Variants in NTRK2 observed in about 807,000 individuals in gnomAD.
NTRK2 encodes neurotrophic receptor tyrosine kinase 2.
NTRK2 carries 13 observed loss-of-function variants against 94.5 expected under a neutral mutation model. The observed-to-expected ratio is 0.14, with a 90% CI of 0.09 to 0.22. The LOEUF (loss-of-function observed/expected upper bound fraction) is 0.22, where lower values mean the gene tolerates loss of function less well. Among genes scored for constraint, NTRK2 ranks in the 10% least tolerant of loss-of-function variants. NTRK2 has a pLI of 1.00. For synonymous variants in NTRK2, 372 were observed against 407.4 expected, an observed-to-expected ratio of 0.91 and a Z score of 1.05; for missense variants, 639 against 1,071.2, an observed-to-expected ratio of 0.60 and a Z score of 5.63.
chr9:84,963,033 G>A (rs1422287002), intron 17 of NTRK2, among the ~76,000 whole-genome samples: 2 of 152,194 alleles, frequency 1.3e-5, no homozygotes, highest in Admixed American at 1.3e-4. Flanking sequence ...GCTGTGGATT[G>A]GCACTGGAGA....
intron 16 of NTRK2, among the ~76,000 whole-genome samples, chr9:84,948,857 C>T (rs374860469): frequency 5.9e-5 from 9 of 152,362 alleles, no homozygotes; most frequent in African/African-American, 2.2e-4. Context: ...AATGATCCAA[C>T]TCAATTCAGT....
At chr9:84,978,245 G>T (rs1016039697) in intron 17 of NTRK2, among the ~76,000 whole-genome samples, 1 of 152,190 alleles carries the variant, frequency 6.6e-6, no homozygotes, top group Non-Finnish European at 1.5e-5. Flanking sequence ...CTTGTGACAG[G>T]TTGCCAAGTT....
chr9:84,824,164 G>C (rs773004868), intron 12 of NTRK2, among the ~76,000 whole-genome samples: 1 of 152,180 alleles, frequency 6.6e-6, no homozygotes, highest in Non-Finnish European at 1.5e-5. Context: ...GCTGCAGGTT[G>C]CAACAGGCAA....
intron 17 of NTRK2, among the ~76,000 whole-genome samples, chr9:84,996,198 C>A (rs1357831617): frequency 1.3e-5 from 2 of 152,170 alleles, no homozygotes; most frequent in Admixed American, 6.5e-5. Flanking sequence ...CGGGAAAAAG[C>A]CTCTCTAAAG....
At position 84,959,420 on chromosome 9, in the gene NTRK2, T is replaced by C. The variant is rs1824602315; in HGVS notation, c.2172+3903T>C. 2.0e-5 allele frequency among the ~76,000 whole-genome samples: 3 copies of C among 152,170 alleles called. No individual in the cohort carries two copies. In the South Asian group the frequency reaches 6.2e-4, roughly 32 times the overall value. ...AAGCAAGAACCATTCCCACTAGAAG[T>C]CCAAGCCTTCCACTCATGGTGGCTT... On this transcript the variant is annotated intron_variant, in intron 17 of 18. Transcript: ENST00000277120.
At chr9:84,784,720 A>G (rs75283077) in intron 12 of NTRK2, among the ~76,000 whole-genome samples, 6,147 of 152,268 alleles carry the variant, frequency 0.04, 433 homozygotes, top group African/African-American at 0.14. Flanking sequence ...CCCTTTAGTG[A>G]CATCTCCTGA....
chr9:84,957,757 C>G (rs1429329431), intron 17 of NTRK2, among the ~76,000 whole-genome samples: 1 of 152,200 alleles, frequency 6.6e-6, no homozygotes. Flanking sequence ...CCCAAGAGAA[C>G]TGAAATAATA....
intron 10 of NTRK2, among the ~76,000 whole-genome samples, chr9:84,742,202 G>C (rs970806930): frequency 6.6e-6 from 1 of 152,096 alleles, no homozygotes; most frequent in Non-Finnish European, 1.5e-5. Flanking sequence ...TTCCTTAATT[G>C]GGAACTAATT....
chr9:84,847,092 A>G (rs2074508857), intron 12 of NTRK2, among the ~76,000 whole-genome samples: 2 of 152,230 alleles, frequency 1.3e-5, no homozygotes, highest in African/African-American at 2.4e-5. Flanking sequence ...AAATTGCTAA[A>G]ATAGGCTGTC....
chr9:84,686,229 G>A (rs943917564), intron 2 of NTRK2, among the ~76,000 whole-genome samples: 4 of 152,076 alleles, frequency 2.6e-5, no homozygotes, highest in African/African-American at 4.8e-5. Flanking sequence ...ATTAATTGTG[G>A]AAAGGAAAAA....
At chr9:84,767,350 A>G (rs1412683016) in intron 12 of NTRK2, among the ~76,000 whole-genome samples, 4 of 152,196 alleles carry the variant, frequency 2.6e-5, no homozygotes, top group African/African-American at 4.8e-5. Context: ...TGCTTTTTGC[A>G]TAGCATTCCT....
intron 12 of NTRK2, among the ~76,000 whole-genome samples, chr9:84,818,917 G>C (rs552838068): frequency 1.3e-5 from 2 of 152,190 alleles, no homozygotes; most frequent in African/African-American, 4.8e-5. Context: ...AGCAGCGTCG[G>C]AGCTGCTTGG....
intron 12 of NTRK2, among the ~76,000 whole-genome samples, chr9:84,781,816 A>G (rs999732898): frequency 3.9e-5 from 6 of 152,162 alleles, no homozygotes; most frequent in African/African-American, 1.4e-4. Context: ...GGAGGGTCAA[A>G]ACATTCAACA....
intron 12 of NTRK2, among the ~76,000 whole-genome samples, chr9:84,831,208 T>G (rs1210444260): frequency 6.6e-6 from 1 of 152,218 alleles, no homozygotes; most frequent in Non-Finnish European, 1.5e-5. Flanking sequence ...ATATAACATT[T>G]CTAAATTATG....
intron 14 of NTRK2, among the ~76,000 whole-genome samples, chr9:84,932,665 G>C (rs1313874639): frequency 1.3e-5 from 2 of 152,170 alleles, no homozygotes; most frequent in African/African-American, 4.8e-5. Flanking sequence ...TTAGGGCTCG[G>C]TCTTAACCTT....
At position 85,025,476 on chromosome 9, in the gene NTRK2, C is replaced by T. The variant is rs926181831; in HGVS notation, c.*4039C>T. 8.6e-6 allele frequency: 2 copies of T among 233,138 alleles called. No individual in the cohort carries two copies. Among genetic ancestry groups the T allele is most frequent in the Admixed American group, 5.6e-5 (1 of 17,788 alleles). 14.4% of individuals were successfully genotyped at this position (233,138 alleles called of 1,614,324 possible). On this transcript the variant is annotated 3_prime_UTR_variant, in exon 19 of 19. Coordinates refer to ENST00000277120, the MANE Select transcript of NTRK2 (RefSeq NM_006180.6). ...GATGAGCAACTCTTAGGAATTCCCA[C>T]ATCCTAGAGTGAATGCACCAACTAA... is the stretch of plus-strand genomic sequence containing the variant.
chr9:84,865,008 G>A (rs2075524339), intron 13 of NTRK2, among the ~76,000 whole-genome samples: 1 of 151,980 alleles, frequency 6.6e-6, no homozygotes, highest in Admixed American at 6.6e-5. Context: ...CAAAGTGCTG[G>A]GATTACAGAT....
intron 4 of NTRK2, among the ~76,000 whole-genome samples, chr9:84,704,342 C>A (rs988423363): frequency 1.7e-4 from 25 of 150,124 alleles, no homozygotes; most frequent in African/African-American, 6.1e-4. Flanking sequence ...CATTCTCCTG[C>A]CTCAGCCTCT....
At chr9:84,771,168 AT>A (rs1281045725) in intron 12 of NTRK2, among the ~76,000 whole-genome samples, 1 of 152,222 alleles carries the variant, frequency 6.6e-6, no homozygotes, top group Non-Finnish European at 1.5e-5. Context: ...TGGGTGGTTC[AT>A]AGAAACACAA....
Sources: allele counts gnomAD v4.1 joint callset (sites outside exome capture counted in the v4.1 genomes callset), GRCh38; gene constraint gnomAD v4.1.1; transcripts MANE v1.5; gene names NCBI Gene and HGNC (gene_info 2026-07-23, HGNC 2026-07-21).